RPUSD3: variants seen among roughly 807,000 people sequenced by gnomAD.
RPUSD3 encodes mitochondrial mRNA pseudouridine synthase RPUSD3.
Under a neutral mutation model 35.1 loss-of-function variants are expected in RPUSD3, and 36 were observed. The observed-to-expected ratio is 1.02, with a 90% CI of 0.79 to 1.35. The LOEUF (loss-of-function observed/expected upper bound fraction) is 1.35. Among genes scored for constraint, RPUSD3 ranks in the 40% most tolerant of loss-of-function variants. The pLI, the probability that RPUSD3 is intolerant of heterozygous loss-of-function variation, is 0.00. For missense variants in RPUSD3, 486 were observed against 441.9 expected, an observed-to-expected ratio of 1.10 and a Z score of -0.89; for synonymous variants, 202 against 187.8, an observed-to-expected ratio of 1.08 and a Z score of -0.62.
chr3:9,843,712 T>C, intron 1 of RPUSD3, 111 bp from the exon 2 acceptor site: 1 of 1,547,808 alleles, frequency 6.5e-7, no homozygotes, highest in Non-Finnish European at 8.7e-7. Flanking sequence ...TGCCTCACAA[T>C]GTCTGGGCTG....
exon 2 of RPUSD3, chr3:9,843,562 C>T: frequency 6.2e-7 from 1 of 1,613,812 alleles, no homozygotes; most frequent in Admixed American, 1.7e-5. Flanking sequence ...CCCCGAGGGG[C>T]CCCGACCGTT....
At chr3:9,842,884 A>G (rs1238078987) in intron 2 of RPUSD3, 1 of 153,860 alleles carries the variant, frequency 6.5e-6, no homozygotes, top group African/African-American at 2.4e-5. Context: ...TCGATAAATA[A>G]TCATTATTTA....
chr3:9,841,915 C>T (rs1377010204), intron 4 of RPUSD3, 68 bp downstream of exon 4: 3 of 1,289,960 alleles, frequency 2.3e-6, no homozygotes, highest in Non-Finnish European at 3.3e-6. Flanking sequence ...AGCTTATCCC[C>T]AAGCAGCTGT....
chr3:9,843,036 C>G (rs962949642), intron 2 of RPUSD3: 1 of 172,328 alleles, frequency 5.8e-6, no homozygotes, highest in South Asian at 1.3e-4. Context: ...GGATTACAGG[C>G]GGACGCCGCC....
chr3:9,842,987 G>A (rs2082124750), intron 2 of RPUSD3: 1 of 164,248 alleles, frequency 6.1e-6, no homozygotes, highest in African/African-American at 2.4e-5. Flanking sequence ...TGCTATCCGG[G>A]TTCAAGTGAC....
chr3:9,843,216 C>T (rs1431707032), intron 2 of RPUSD3: 1 of 565,378 alleles, frequency 1.8e-6, no homozygotes, highest in East Asian at 2.9e-5. Context: ...ATAGCAACTC[C>T]CGTAACTGAG....
chr3:9,843,123 C>G (rs2082126864), intron 2 of RPUSD3: 5 of 252,586 alleles, frequency 2.0e-5, no homozygotes, highest in Non-Finnish European at 3.9e-5. Context: ...AACTCCTGAC[C>G]TCAGGTGATC....
At chr3:9,843,416 G>A (rs781158902) in intron 2 of RPUSD3, 49 bp downstream of exon 2, 1 of 1,606,884 alleles carries the variant, frequency 6.2e-7, no homozygotes, top group Non-Finnish European at 8.5e-7. Flanking sequence ...ACTGCACGCC[G>A]AGGCAGTCCC....
At position 9,839,181 on chromosome 3, in the gene RPUSD3, A is replaced by G. The variant is rs774593307; in HGVS notation, c.725-10T>C. On this transcript the variant is annotated splice_polypyrimidine_tract_variant and intron_variant, in intron 7 of 8. Transcript: ENST00000383820. ...AGTTGACTGGAGAACACTGGGCAACAGGAAAGCCAGGAGAGACAGTGGGCA... is the reference window on the plus strand; with the variant it reads ...AGTTGACTGGAGAACACTGGGCAACGGGAAAGCCAGGAGAGACAGTGGGCA... The G allele has an allele frequency of 1.7e-5, 28 of 1,602,148 alleles. 1 individual carries two copies. The Middle Eastern group carries it at 5.0e-4, about 29-fold the overall frequency.
In RPUSD3 at chr3:9,839,097, G is replaced by T. The variant is rs146799821; in HGVS notation, c.799C>A (p.Arg267Ser). 57 of 1,614,180 alleles carry T rather than the reference G, an allele frequency of 3.5e-5. 3 individuals are homozygous for T. In the South Asian group the frequency reaches 5.9e-4, roughly 17 times the overall value. The change falls in exon 8 of 9, where the codon CGT (arginine) becomes AGT (serine). Residue 267 changes from arginine (R) to serine (S), a missense_variant. Transcript: ENST00000383820. ...CGCTGGCCCAGGACAGTGCCCACAC[G>T]GGCAGAGTACATGTGGTCCCCAAGC...
chr3:9,839,029 T>C lies in RPUSD3; in HGVS notation c.864+3A>G, dbSNP rs750788277. ...AAAGCAGCAGGCAGGTGGGCTGGAG[T>C]ACCTGTCTTTGGGGCTTGTTGTTCT... On this transcript the variant is annotated splice_donor_region_variant and intron_variant, in intron 8 of 8. Coordinates refer to ENST00000383820, the Ensembl canonical transcript of RPUSD3. 1 of 1,614,006 alleles carries C rather than the reference T, an allele frequency of 6.2e-7. No homozygotes were observed. Among genetic ancestry groups the C allele is most frequent in the South Asian group, 1.1e-5 (1 of 91,074 alleles).
intron 2 of RPUSD3, 99 bp downstream of exon 2, chr3:9,843,366 C>CAG: frequency 6.5e-7 from 1 of 1,534,310 alleles, no homozygotes; most frequent in Non-Finnish European, 8.8e-7. Context: ...TAGTGGGAGG[C>CAG]AGAAGCAGGG....
chr3:9,841,130 G>T (rs956673574), intron 4 of RPUSD3: 4 of 196,590 alleles, frequency 2.0e-5, no homozygotes, highest in Admixed American at 5.9e-5. Flanking sequence ...TGAGTTTGTG[G>T]AACTGCAGAA....
chr3:9,843,218 G>GT, intron 2 of RPUSD3: 1 of 566,964 alleles, frequency 1.8e-6, no homozygotes, highest in African/African-American at 1.9e-5. Context: ...AGCAACTCCC[G>GT]TAACTGAGCG....
At chr3:9,843,763 G>A in intron 1 of RPUSD3, 127 bp downstream of exon 1, 1 of 1,539,916 alleles carries the variant, frequency 6.5e-7, no homozygotes, top group Non-Finnish European at 8.8e-7. Flanking sequence ...TTCTACAGCG[G>A]AGGGCACCGA....
chr3:9,843,424 C>A, intron 2 of RPUSD3, 41 bp downstream of exon 2: 1 of 1,609,772 alleles, frequency 6.2e-7, no homozygotes, highest in Non-Finnish European at 8.5e-7. Flanking sequence ...CCGAGGCAGT[C>A]CCCTCCCGGT....
At chr3:9,839,100 C>G (rs541786123) in exon 8 of RPUSD3, 2 of 1,614,224 alleles carry the variant, frequency 1.2e-6, no homozygotes, top group East Asian at 4.5e-5. Flanking sequence ...CCCACACGGG[C>G]AGAGTACATG....
chr3:9,838,297 C>T (rs1371073894), intron 8 of RPUSD3, 90 bp from the exon 9 acceptor site: 12 of 1,302,826 alleles, frequency 9.2e-6, no homozygotes, highest in Non-Finnish European at 1.3e-5. Flanking sequence ...AAGGCGGGCG[C>T]TTCCTCCATT....
intron 4 of RPUSD3, 144 bp downstream of exon 4, chr3:9,841,839 C>T: frequency 1.4e-6 from 1 of 705,242 alleles, no homozygotes; most frequent in South Asian, 1.8e-5. Flanking sequence ...GAGCCATCGG[C>T]TTCCTCTTCT....
Sources: gnomAD v4.1 joint callset for allele counts on GRCh38, gnomAD v4.1.1 for gene constraint, MANE v1.5 for transcripts, NCBI Gene and HGNC (gene_info 2026-07-23, HGNC 2026-07-21) for gene names.